The following TNFRSF19 variants were observed in gnomAD, a reference collection of about 807,000 sequenced individuals.
The protein encoded by TNFRSF19 is TNF receptor superfamily member 19.
TNFRSF19 carries 27 observed loss-of-function variants against 46.4 expected under a neutral mutation model. The observed-to-expected ratio is 0.58, with a 90% CI of 0.43 to 0.80. TNFRSF19 has a LOEUF of 0.80. TNFRSF19 is among the 30% of genes least tolerant of loss of function. The pLI is 0.00. For synonymous variants in TNFRSF19, 204 were observed against 205.0 expected, an observed-to-expected ratio of 1.00 and a Z score of 0.04; for missense variants, 511 against 530.8, an observed-to-expected ratio of 0.96 and a Z score of 0.37.
At chr13:23,623,094 C>A (rs970129617) in intron 4 of TNFRSF19, among the ~76,000 whole-genome samples, 2 of 152,086 alleles carry the variant, frequency 1.3e-5, no homozygotes, top group Non-Finnish European at 2.9e-5. Context: ...AACTCTATAC[C>A]CGTTAAACAA....
intron 7 of TNFRSF19, among the ~76,000 whole-genome samples, chr13:23,662,005 A>G (rs1884396776): frequency 6.6e-6 from 1 of 152,160 alleles, no homozygotes; most frequent in Non-Finnish European, 1.5e-5. Flanking sequence ...CTCTGATGAT[A>G]GTTTCTTTTG....
At chr13:23,643,565 A>G (rs1374791972) in intron 5 of TNFRSF19, among the ~76,000 whole-genome samples, 1 of 152,246 alleles carries the variant, frequency 6.6e-6, no homozygotes, top group Non-Finnish European at 1.5e-5. Context: ...GAACGGATAT[A>G]AACATCTCCC....
intron 4 of TNFRSF19, among the ~76,000 whole-genome samples, chr13:23,618,170 C>A (rs1238956485): frequency 3.3e-5 from 5 of 152,060 alleles, no homozygotes; most frequent in African/African-American, 1.2e-4. Context: ...CTTTGTACTT[C>A]AAAGGAAATC....
At chr13:23,578,209 T>C (rs1212916707) in intron 1 of TNFRSF19, among the ~76,000 whole-genome samples, 1 of 152,142 alleles carries the variant, frequency 6.6e-6, no homozygotes, top group African/African-American at 2.4e-5. Flanking sequence ...TGGAGTCTGA[T>C]CGGGTAGCCG....
At chr13:23,571,511 T>C (rs1426278404) in intron 1 of TNFRSF19, among the ~76,000 whole-genome samples, 3 of 152,198 alleles carry the variant, frequency 2.0e-5, no homozygotes, top group Admixed American at 1.3e-4. Flanking sequence ...CCTTTGGAAA[T>C]AGCATAAGCC....
chr13:23,585,936 T>C (rs1219020537), intron 1 of TNFRSF19, among the ~76,000 whole-genome samples: 2 of 152,162 alleles, frequency 1.3e-5, no homozygotes, highest in Non-Finnish European at 2.9e-5. Context: ...TTTTTAATAC[T>C]GAAAGCAAAT....
intron 3 of TNFRSF19, among the ~76,000 whole-genome samples, chr13:23,614,332 G>C (rs1364512746): frequency 1.3e-5 from 2 of 152,238 alleles, no homozygotes; most frequent in African/African-American, 4.8e-5. Flanking sequence ...CGAATCCTTT[G>C]TTGAGTAGTT....
intron 5 of TNFRSF19, among the ~76,000 whole-genome samples, chr13:23,649,352 T>C (rs1883505251): frequency 6.6e-6 from 1 of 152,192 alleles, no homozygotes; most frequent in Admixed American, 6.5e-5. Context: ...TTTGTTGGCA[T>C]ATGACTGTTT....
chr13:23,620,099 A>C (rs1407312854), intron 4 of TNFRSF19, among the ~76,000 whole-genome samples: 1 of 152,256 alleles, frequency 6.6e-6, no homozygotes, highest in African/African-American at 2.4e-5. Flanking sequence ...CAGCATTAGT[A>C]TATGAGGCAG....
chr13:23,642,824 G>C (rs1374477974), intron 5 of TNFRSF19, among the ~76,000 whole-genome samples: 2 of 152,166 alleles, frequency 1.3e-5, no homozygotes, highest in Non-Finnish European at 2.9e-5. Flanking sequence ...AATAAAATCA[G>C]GTCAGGTCTT....
chr13:23,667,056 A>C (rs562559667), intron 7 of TNFRSF19, among the ~76,000 whole-genome samples: 1 of 149,246 alleles, frequency 6.7e-6, no homozygotes, highest in African/African-American at 2.5e-5. Context: ...TCCTTTGTGT[A>C]TGTGTGTGTC....
chr13:23,615,886 G>A lies in TNFRSF19; in HGVS notation c.200G>A (p.Gly67Glu). The change falls in exon 4 of 10, where the codon GGG becomes GAG. Residue 67 changes from glycine (G) to glutamate (E), a missense_variant. Gly to Glu is a moderately conservative substitution (Grantham distance 98). Transcript: ENST00000248484. ...ELSKECGFGY[G>E]EDAQCVTCRL... Reference sequence around the variant, plus strand: ...CCACAGGAATGTGGCTTCGGCTATGGGGAGGATGCACAGTGTGTGACGTGC... The same window carrying A: ...CCACAGGAATGTGGCTTCGGCTATGAGGAGGATGCACAGTGTGTGACGTGC... 1 of 1,609,136 alleles carries A rather than the reference G, an allele frequency of 6.2e-7. No homozygotes were observed. Among genetic ancestry groups the A allele is most frequent in the Non-Finnish European group, 8.5e-7 (1 of 1,177,196 alleles).
chr13:23,618,852 G>C (rs761305069), intron 4 of TNFRSF19, among the ~76,000 whole-genome samples: 1 of 152,196 alleles, frequency 6.6e-6, no homozygotes, highest in East Asian at 1.9e-4. Context: ...ATTAGGTCAT[G>C]ATGGGCCCTC....
intron 7 of TNFRSF19, among the ~76,000 whole-genome samples, chr13:23,667,489 G>T (rs1009612987): frequency 2.6e-5 from 4 of 152,178 alleles, no homozygotes; most frequent in African/African-American, 9.7e-5. Flanking sequence ...TGTCCTCAGT[G>T]GGGCCAAGAA....
At chr13:23,618,962 C>T (rs937318278) in intron 4 of TNFRSF19, among the ~76,000 whole-genome samples, 3 of 152,210 alleles carry the variant, frequency 2.0e-5, no homozygotes, top group African/African-American at 7.2e-5. Flanking sequence ...AGCATTTCTT[C>T]CCTCTGAAGA....
intron 1 of TNFRSF19, chr13:23,579,440 C>G (rs902405723): frequency 6.5e-6 from 1 of 152,760 alleles, no homozygotes; most frequent in Non-Finnish European, 1.5e-5. Flanking sequence ...CCATGCAACC[C>G]CGCGCCCTGC....
intron 3 of TNFRSF19, among the ~76,000 whole-genome samples, chr13:23,615,099 A>G (rs1411274407): frequency 1.3e-5 from 2 of 152,246 alleles, no homozygotes; most frequent in African/African-American, 2.4e-5. Flanking sequence ...TCGTGAACAC[A>G]GATCACATCT....
intron 2 of TNFRSF19, 133 bp downstream of exon 2, chr13:23,590,385 A>G: frequency 2.0e-6 from 1 of 503,868 alleles, no homozygotes; most frequent in Non-Finnish European, 3.4e-6. Context: ...CTCAGGCTGG[A>G]GTGCAGTGGT....
In TNFRSF19 at chr13:23,586,633, T is replaced by A. The variant is rs113285710; in HGVS notation, c.-34-3517T>A. On this transcript the variant is annotated intron_variant, in intron 1 of 9. Transcript: ENST00000248484. ...TTTGGGCAAGAAGGCACAAGGGGTG[T>A]GCATTATAACACCTATTGGATTTAT... is the stretch of plus-strand genomic sequence containing the variant. Among the ~76,000 whole-genome samples the A allele has an allele frequency of 1.5e-3, 221 of 152,304 alleles. 2 individuals carry two copies. The highest frequency in any genetic ancestry group is 4.9e-3 in the African/African-American group (204 of 41,578).
Sources: gnomAD v4.1 joint callset for allele counts (sites outside exome capture counted in the v4.1 genomes callset) on GRCh38, gnomAD v4.1.1 for gene constraint, MANE v1.5 for transcripts, NCBI Gene and HGNC (gene_info 2026-07-23, HGNC 2026-07-21) for gene names.